The following MED21 variants were observed in gnomAD, a reference collection of about 807,000 sequenced individuals.
MED21 encodes the protein mediator complex subunit 21.
In MED21, 9 loss-of-function variants were observed where a neutral mutation model predicts 18.2. That is an observed-to-expected ratio of 0.49 (90% CI 0.30 to 0.86). The LOEUF is 0.86. MED21 is among the 40% of genes least tolerant of loss of function. The probability of loss-of-function intolerance (pLI) is 0.07; values close to 1 mark genes in which losing one functional copy is unlikely to be tolerated. For missense variants in MED21, 150 were observed against 170.9 expected, an observed-to-expected ratio of 0.88 and a Z score of 0.68; for synonymous variants, 73 against 60.5, an observed-to-expected ratio of 1.21 and a Z score of -0.96.
chr12:27,031,168 A>G (rs1289640322), downstream of MED21, among the ~76,000 whole-genome samples: 1 of 152,164 alleles, frequency 6.6e-6, no homozygotes, highest in Non-Finnish European at 1.5e-5. Flanking sequence ...CAGCCTCCCA[A>G]AGTGCTGGGA....
At chr12:27,031,724 A>G (rs963620367), downstream of MED21, among the ~76,000 whole-genome samples, 4 of 152,196 alleles carry the variant, frequency 2.6e-5, no homozygotes, top group Admixed American at 6.5e-5. Context: ...TACTACAAAC[A>G]TTACAGGAAT....
At chr12:27,033,325 C>G (rs1466969526), downstream of MED21, among the ~76,000 whole-genome samples, 3 of 152,134 alleles carry the variant, frequency 2.0e-5, no homozygotes, top group African/African-American at 7.2e-5. Flanking sequence ...GTAGAAGAAG[C>G]AAGGGAAACT....
chr12:27,022,777 C>T, intron 1 of MED21, 156 bp downstream of exon 1: 2 of 1,531,532 alleles, frequency 1.3e-6, no homozygotes, highest in Non-Finnish European at 1.8e-6. Flanking sequence ...ACCGCGAACT[C>T]GGAGGTTTGA....
chr12:27,038,316 T>C (rs1406956030), intron 2 of MED21: 1 of 151,470 alleles, frequency 6.6e-6, no homozygotes, highest in Non-Finnish European at 1.5e-5. Flanking sequence ...ATAATAAGGA[T>C]TCAGGAATAC....
At chr12:27,023,751 G>A (rs1050253904) in intron 1 of MED21, among the ~76,000 whole-genome samples, 1 of 152,138 alleles carries the variant, frequency 6.6e-6, no homozygotes, top group Non-Finnish European at 1.5e-5. Flanking sequence ...GCAGTCATGG[G>A]CCCCTAATGA....
rs1467087285 is a variant in MED21, at chr12:27,029,208, C to G, written c.*747C>G. 2 of 985,248 alleles carry G rather than the reference C, an allele frequency of 2.0e-6. No individual in the cohort carries two copies. Among genetic ancestry groups the G allele is most frequent in the Non-Finnish European group, 2.4e-6 (2 of 829,904 alleles). The allele number at this position is 985,248 out of a possible 1,614,324, so 61.0% of individuals were successfully genotyped here. ...GTTTTTTGAATCATCAATTCTTTCT[C>G]ATTCTCCATTTATCTGAAGGTTCTT... On this transcript the variant is annotated 3_prime_UTR_variant, in exon 4 of 4. Transcript: ENST00000282892.
downstream of MED21, among the ~76,000 whole-genome samples, chr12:27,032,953 C>G (rs2476): frequency 0.18 from 26,682 of 152,122 alleles, 2,828 homozygotes; most frequent in African/African-American, 0.3. Flanking sequence ...ATTCCCTGCT[C>G]AGCTGTCCCA....
chr12:27,028,241 C>G (rs1165651216), intron 3 of MED21, 44 bp from the exon 4 acceptor site: 2 of 1,510,030 alleles, frequency 1.3e-6, no homozygotes, highest in Non-Finnish European at 1.8e-6. Flanking sequence ...GTGACAGCTT[C>G]TCTTTCTAAA....
downstream of MED21, among the ~76,000 whole-genome samples, chr12:27,032,942 C>T (rs1941629148): frequency 6.6e-6 from 1 of 152,172 alleles, no homozygotes; most frequent in South Asian, 2.1e-4. Context: ...CCAGGAAGGA[C>T]ATTCCCTGCT....
At position 27,029,567 on chromosome 12, in the gene MED21, C is replaced by A. The variant is rs537585686; in HGVS notation, c.*1106C>A. The A allele has an allele frequency of 2.0e-6, 2 of 985,400 alleles. No homozygotes were observed. Among genetic ancestry groups the A allele is most frequent in the African/African-American group, 3.5e-5 (2 of 57,360 alleles). 61.0% of individuals were successfully genotyped at this position (985,400 alleles called of 1,614,324 possible). ...AGGAGAAAACAGGAACAATAGAACA[C>A]TCTGCCTGTTATTTTTGTTGTAATC... On this transcript the variant is annotated 3_prime_UTR_variant, in exon 4 of 4. Transcript: ENST00000282892.
At chr12:27,022,988 C>A in intron 1 of MED21, 1 of 970,506 alleles carries the variant, frequency 1.0e-6, no homozygotes, top group Non-Finnish European at 1.3e-6. Context: ...GGAGGAGAAG[C>A]AGGAGCTTTT....
rs1242151706 is a variant in MED21, at chr12:27,028,464, T to A, written c.*3T>A. ...GCCAGTCTCTTCCAGACTCATAGCA[T>A]CAGTGGATACCATGTGGCTGAGAAA... On this transcript the variant is annotated 3_prime_UTR_variant, in exon 4 of 4. Coordinates refer to ENST00000282892, the MANE Select transcript of MED21 (RefSeq NM_004264.5). The A allele has an allele frequency of 1.2e-6, 2 of 1,612,338 alleles. No individual in the cohort carries two copies. Among genetic ancestry groups the A allele is most frequent in the South Asian group, 2.2e-5 (2 of 90,874 alleles).
chr12:27,028,154 T>C, intron 3 of MED21, 131 bp from the exon 4 acceptor site: 1 of 1,187,530 alleles, frequency 8.4e-7, no homozygotes, highest in Non-Finnish European at 1.1e-6. Flanking sequence ...AAAAGTTGTC[T>C]GATTTTTAGA....
At chr12:27,036,450 C>T (rs1339673854) in intron 2 of MED21, among the ~76,000 whole-genome samples, 1 of 152,182 alleles carries the variant, frequency 6.6e-6, no homozygotes, top group Non-Finnish European at 1.5e-5. Flanking sequence ...TAATTAGATC[C>T]CATTTGTCAA....
intron 1 of MED21, among the ~76,000 whole-genome samples, chr12:27,025,569 TGTA>T (rs907634822): frequency 6.6e-5 from 10 of 152,178 alleles, no homozygotes; most frequent in Non-Finnish European, 1.3e-4. Flanking sequence ...GAGAAAGATT[TGTA>T]GTATTAGCAG....
intron 2 of MED21, chr12:27,038,913 TATGTGAATAATACCTCA>T (rs1332864947): frequency 6.6e-6 from 1 of 152,158 alleles, no homozygotes; most frequent in Non-Finnish European, 1.5e-5. Context: ...TAAAGCATGG[TATGTGAATAATACCTCA>T]ATAAAGCTGT....
Position 27,030,174 on chromosome 12 carries a change from C to G in MED21, c.*1713C>G. ...TTTTTTAAGGTGAAGTCTCTGTCAC[C>G]CAAGCTGAAGTGCAGTTCTGTGATC... On this transcript the variant is annotated 3_prime_UTR_variant, in exon 4 of 4. Transcript: ENST00000282892. 1 of 645,456 alleles carries G rather than the reference C, an allele frequency of 1.5e-6. No homozygotes were observed. Among genetic ancestry groups the G allele is most frequent in the Non-Finnish European group, 2.8e-6 (1 of 351,450 alleles). 40.0% of individuals were successfully genotyped at this position (645,456 alleles called of 1,614,324 possible).
Position 27,030,082 on chromosome 12 carries a change from A to G in MED21, c.*1621A>G. 2.1e-6 allele frequency: 1 copy of G among 467,810 alleles called. No individual in the cohort carries two copies. The allele number at this position is 467,810 out of a possible 1,614,324, so 29.0% of individuals were successfully genotyped here. On this transcript the variant is annotated 3_prime_UTR_variant, in exon 4 of 4. Transcript: ENST00000282892. ...TACATTTGTTATTTGAAAGAAAAAA[A>G]TTAACGTTGTTGTATGTGATTCTCT... is the stretch of plus-strand genomic sequence containing the variant.
At chr12:27,023,351 G>A (rs1210000222) in intron 1 of MED21, among the ~76,000 whole-genome samples, 1 of 138,092 alleles carries the variant, frequency 7.2e-6, no homozygotes, top group Non-Finnish European at 1.5e-5. Flanking sequence ...CCAGGCTGGA[G>A]TGCAGTGGCG....
Sources: allele counts gnomAD v4.1 joint callset (sites outside exome capture counted in the v4.1 genomes callset), GRCh38; gene constraint gnomAD v4.1.1; transcripts MANE v1.5; gene names NCBI Gene and HGNC (gene_info 2026-07-23, HGNC 2026-07-21).